KLF8: variants seen among roughly 807,000 people sequenced by gnomAD.
KLF8 encodes Krueppel-like factor 8.
A neutral mutation model predicts 18.2 loss-of-function variants in KLF8; 10 were observed. The observed-to-expected ratio is 0.55, with a 90% CI of 0.34 to 0.93. The LOEUF is 0.93. Ranked by LOEUF, KLF8 falls within the 40% of genes least tolerant of loss-of-function variation. KLF8 has a pLI of 0.02. For synonymous variants in KLF8, 109 were observed against 97.3 expected (o/e 1.12, Z -0.71); for missense variants, 264 against 277.9 (o/e 0.95, Z 0.36).
chrX:56,051,235 G>T, the KLF8 span, among the ~76,000 whole-genome samples: 1 of 111,338 alleles, frequency 9.0e-6, no homozygotes. Flanking sequence ...TTGCCAGTCT[G>T]TGTCTTTTAA....
At chrX:56,162,541 G>A in the KLF8 span, among the ~76,000 whole-genome samples, 2 of 111,486 alleles carry the variant, frequency 1.8e-5, no homozygotes, top group Non-Finnish European at 3.8e-5. Flanking sequence ...AATGAGCGAG[G>A]CTCTGTGGGC....
chrX:56,174,753 A>G, the KLF8 span, among the ~76,000 whole-genome samples: 1 of 111,246 alleles, frequency 9.0e-6, no homozygotes, highest in Non-Finnish European at 1.9e-5. Context: ...CTAGGCTATT[A>G]ATTATTGCCT....
At chrX:56,208,113 C>T in the KLF8 span, among the ~76,000 whole-genome samples, 1 of 111,260 alleles carries the variant, frequency 9.0e-6, no homozygotes, top group South Asian at 3.8e-4. Flanking sequence ...TCCACATAGT[C>T]CTGCCCTTGA....
chrX:56,038,758 A>G, the KLF8 span, among the ~76,000 whole-genome samples: 1 of 112,598 alleles, frequency 8.9e-6, no homozygotes, highest in Non-Finnish European at 1.9e-5. Flanking sequence ...GAGAAGTTGT[A>G]TTTCTGCCTC....
chrX:56,037,490 T>C, the KLF8 span, among the ~76,000 whole-genome samples: 2 of 111,590 alleles, frequency 1.8e-5, no homozygotes, highest in African/African-American at 3.2e-5. Flanking sequence ...ATAATTGATA[T>C]TAATTTTTTT....
At chrX:56,112,123 G>A in the KLF8 span, among the ~76,000 whole-genome samples, 2 of 111,884 alleles carry the variant, frequency 1.8e-5, no homozygotes, top group Non-Finnish European at 3.8e-5. Flanking sequence ...AAAATGTGGT[G>A]CATATACACC....
the KLF8 span, among the ~76,000 whole-genome samples, chrX:56,139,958 G>A: frequency 9.0e-6 from 1 of 111,583 alleles, no homozygotes; most frequent in Non-Finnish European, 1.9e-5. Flanking sequence ...TAAAAAAATG[G>A]GCAGAGGACA....
At chrX:56,069,073 C>A in the KLF8 span, among the ~76,000 whole-genome samples, 1 of 111,818 alleles carries the variant, frequency 8.9e-6, no homozygotes, top group Admixed American at 9.4e-5. Context: ...TGCTGGCATG[C>A]ACAGCCTCCT....
the KLF8 span, among the ~76,000 whole-genome samples, chrX:56,057,688 C>G: frequency 9.0e-6 from 1 of 111,285 alleles, no homozygotes; most frequent in Non-Finnish European, 1.9e-5. Context: ...TCATGTCAGA[C>G]CAGCCCCATG....
At chrX:56,168,414 A>G in the KLF8 span, among the ~76,000 whole-genome samples, 3 of 112,608 alleles carry the variant, frequency 2.7e-5, no homozygotes, top group African/African-American at 9.7e-5. Flanking sequence ...ACAAAAATAG[A>G]TGGAAAGATA....
the KLF8 span, among the ~76,000 whole-genome samples, chrX:55,965,033 C>T: frequency 8.1e-5 from 9 of 111,702 alleles, no homozygotes; most frequent in African/African-American, 2.9e-4. Flanking sequence ...TTGAGGAGGA[C>T]TTCTTCCTAA....
the KLF8 span, among the ~76,000 whole-genome samples, chrX:56,121,113 G>C: frequency 9.5e-6 from 1 of 105,675 alleles, no homozygotes; most frequent in Non-Finnish European, 1.9e-5. Flanking sequence ...GTGAACCCGG[G>C]AGGCGGAGCT....
At chrX:56,143,385 G>T in the KLF8 span, among the ~76,000 whole-genome samples, 10 of 111,302 alleles carry the variant, frequency 9.0e-5, no homozygotes, top group African/African-American at 3.3e-4. Context: ...ATTTAACATT[G>T]TCTGACCTTA....
chrX:56,273,406 A>T (rs1370552923), intron 5 of KLF8, among the ~76,000 whole-genome samples: 1 of 110,322 alleles, frequency 9.1e-6, no homozygotes, highest in African/African-American at 3.3e-5. Context: ...TGTGCTATCA[A>T]ATGTTAGGCC....
At chrX:55,944,672 T>G in the KLF8 span, among the ~76,000 whole-genome samples, 1 of 111,378 alleles carries the variant, frequency 9.0e-6, no homozygotes, top group Non-Finnish European at 1.9e-5. Flanking sequence ...GGTTCGGTGG[T>G]GATATCCCCT....
chrX:56,106,401 G>A, the KLF8 span, among the ~76,000 whole-genome samples: 2 of 111,866 alleles, frequency 1.8e-5, no homozygotes, highest in Admixed American at 9.5e-5. Flanking sequence ...ATTTCTTGAA[G>A]GCTTTGTTCA....
At chrX:56,140,393 T>G in the KLF8 span, among the ~76,000 whole-genome samples, 1 of 111,752 alleles carries the variant, frequency 8.9e-6, no homozygotes, top group African/African-American at 3.3e-5. Flanking sequence ...AAAGAAAACA[T>G]GATACGTATG....
At chrX:56,113,443 A>G in the KLF8 span, among the ~76,000 whole-genome samples, 34 of 108,583 alleles carry the variant, frequency 3.1e-4, no homozygotes, top group Non-Finnish European at 1.1e-4. Flanking sequence ...TTTCATTTGT[A>G]TAGTGACTTT....
chrX:56,186,486 G>C, the KLF8 span, among the ~76,000 whole-genome samples: 1 of 111,047 alleles, frequency 9.0e-6, no homozygotes, highest in Non-Finnish European at 1.9e-5. Context: ...AAGTTAACAA[G>C]TATACCCAGG....
Sources: gnomAD v4.1 joint callset for allele counts (sites outside exome capture counted in the v4.1 genomes callset) on GRCh38, gnomAD v4.1.1 for gene constraint, MANE v1.5 for transcripts, NCBI Gene and HGNC (gene_info 2026-07-23, HGNC 2026-07-21) for gene names.